PSMA8: variants seen among roughly 807,000 people sequenced by gnomAD.
PSMA8 encodes proteasome 20S subunit alpha 8.
A neutral mutation model predicts 32.4 loss-of-function variants in PSMA8; 18 were observed. That is an observed-to-expected ratio of 0.56 (90% CI 0.38 to 0.82). PSMA8 has a LOEUF of 0.82. Ranked by LOEUF, PSMA8 falls within the 40% of genes least tolerant of loss-of-function variation. PSMA8 has a pLI of 0.00. For missense variants in PSMA8, 298 were observed against 300.7 expected (o/e 0.99, Z 0.07); for synonymous variants, 104 against 98.1 (o/e 1.06, Z -0.36).
At chr18:26,164,509 G>C (rs562139013) in intron 4 of PSMA8, among the ~76,000 whole-genome samples, 1 of 152,276 alleles carries the variant, frequency 6.6e-6, no homozygotes, top group South Asian at 2.1e-4. Context: ...CAATGGAAAA[G>C]AAATAACATG....
rs202147380 is a variant in PSMA8, at chr18:26,179,058, T to G, written c.598-10T>G. On this transcript the variant is annotated splice_polypyrimidine_tract_variant and intron_variant, in intron 5 of 6. Coordinates refer to ENST00000415576, the MANE Select transcript of PSMA8 (RefSeq NM_001025096.2). ...GAAATAATTCTAATAGTGTACTTGT[T>G]CTACATTAGGTTGTCCAGTCTGGTG... 36 of 1,611,656 alleles carry G rather than the reference T, an allele frequency of 2.2e-5. No homozygotes were observed. In the African/African-American group the frequency reaches 4.4e-4, roughly 20 times the overall value.
At chr18:26,153,165 T>G (rs554533988) in intron 3 of PSMA8, among the ~76,000 whole-genome samples, 1 of 152,304 alleles carries the variant, frequency 6.6e-6, no homozygotes, top group East Asian at 1.9e-4. Context: ...TGCAACATTG[T>G]CTTTTTAGTT....
rs1224405028 is a variant in PSMA8 at position 26,174,569 on chromosome 18, C to T, written c.478-4261C>T. Among the ~76,000 whole-genome samples the T allele has an allele frequency of 2.0e-5, 3 of 152,258 alleles. No individual in the cohort carries two copies. In the East Asian group the frequency reaches 5.8e-4, roughly 29 times the overall value. ...GTGGTTACTTAATTTAAAAGCTATT[C>T]TATACTATTTTAAGGAGACCCACCT... On this transcript the variant is annotated intron_variant, in intron 4 of 6. Coordinates refer to ENST00000415576, the MANE Select transcript of PSMA8 (RefSeq NM_001025096.2).
rs919044772 is a variant in PSMA8, at chr18:26,133,899, G to A, written c.-67G>A. 7.9e-5 allele frequency: 109 copies of A among 1,379,354 alleles called. No homozygotes were observed. In the Admixed American group the frequency reaches 1.8e-3, roughly 23 times the overall value. 85.4% of individuals were successfully genotyped at this position (1,379,354 alleles called of 1,614,324 possible). On this transcript the variant is annotated 5_prime_UTR_variant, in exon 1 of 7. Coordinates refer to ENST00000415576, the MANE Select transcript of PSMA8 (RefSeq NM_001025096.2). ...CGGGCGGTAGCACGCTGTGTTGGCG[G>A]CGGCTCCCCGCTTGCCTCAGCTGCA...
At chr18:26,135,916 A>G (rs1216763039) in intron 1 of PSMA8, among the ~76,000 whole-genome samples, 2 of 152,214 alleles carry the variant, frequency 1.3e-5, no homozygotes, top group East Asian at 1.9e-4. Flanking sequence ...GCATGGAGTT[A>G]TTCATTGTGT....
At position 26,192,666 on chromosome 18, in the gene PSMA8, C is replaced by T. The variant is rs2055413728; in HGVS notation, c.*255C>T. The T allele has an allele frequency of 4.4e-6, 1 of 227,728 alleles. No homozygotes were observed. The highest frequency in any genetic ancestry group is 8.2e-6 in the Non-Finnish European group (1 of 121,690). 14.1% of individuals were successfully genotyped at this position (227,728 alleles called of 1,614,324 possible). On this transcript the variant is annotated 3_prime_UTR_variant, in exon 7 of 7. Transcript: ENST00000415576. ...CATAATTCCACATAAGCCTGAGACT[C>T]TATAATTTGTCCAGTGTCTTACTTA...
chr18:26,150,242 T>G (rs192399636), intron 2 of PSMA8, among the ~76,000 whole-genome samples: 72 of 152,352 alleles, frequency 4.7e-4, no homozygotes, highest in Non-Finnish European at 8.4e-4. Context: ...CCTGTACATA[T>G]TTCAGAGCAC....
intron 4 of PSMA8, among the ~76,000 whole-genome samples, chr18:26,159,587 G>A (rs916361872): frequency 6.6e-6 from 1 of 151,546 alleles, no homozygotes; most frequent in African/African-American, 2.4e-5. Context: ...ATTACCCTTT[G>A]TTTCTATATC....
intron 2 of PSMA8, among the ~76,000 whole-genome samples, chr18:26,150,447 C>T (rs1375016264): frequency 6.6e-6 from 1 of 152,078 alleles, no homozygotes; most frequent in Non-Finnish European, 1.5e-5. Context: ...AAGCAATCCC[C>T]CCGCCGCAGC....
At chr18:26,155,158 C>T (rs1479462060) in intron 3 of PSMA8, among the ~76,000 whole-genome samples, 2 of 151,960 alleles carry the variant, frequency 1.3e-5, no homozygotes, top group Non-Finnish European at 2.9e-5. Context: ...TTGCTTGAAC[C>T]CAGGAGACGG....
chr18:26,147,507 A>C (rs2055013864), intron 2 of PSMA8, among the ~76,000 whole-genome samples: 1 of 152,102 alleles, frequency 6.6e-6, no homozygotes, highest in Non-Finnish European at 1.5e-5. Context: ...AAAAAGAAAG[A>C]TCTCAATTCA....
chr18:26,140,088 G>T, intron 1 of PSMA8: 2 of 703,030 alleles, frequency 2.8e-6, no homozygotes, highest in Non-Finnish European at 5.2e-6. Flanking sequence ...GGCCTGGCAT[G>T]GATGTCTGCA....
chr18:26,185,341 T>C (rs1310659333), intron 6 of PSMA8, among the ~76,000 whole-genome samples: 1 of 150,674 alleles, frequency 6.6e-6, no homozygotes, highest in African/African-American at 2.5e-5. Flanking sequence ...ACAGTGTGTT[T>C]AACAACACAA....
chr18:26,170,643 C>T, intron 4 of PSMA8: 1 of 1,002,456 alleles, frequency 1.0e-6, no homozygotes, highest in South Asian at 1.5e-5. Context: ...CTAAAGTCAA[C>T]AAAAAACCTT....
At chr18:26,158,993 G>GC (rs1047136945) in intron 4 of PSMA8, among the ~76,000 whole-genome samples, 2 of 151,872 alleles carry the variant, frequency 1.3e-5, no homozygotes, top group Admixed American at 6.6e-5. Flanking sequence ...ACCAAACAAT[G>GC]CCCCCCTGCC....
intron 6 of PSMA8, among the ~76,000 whole-genome samples, chr18:26,184,246 A>G (rs1186669123): frequency 6.6e-6 from 1 of 150,740 alleles, no homozygotes; most frequent in African/African-American, 2.5e-5. Context: ...TGTTTCAGTC[A>G]TTTATTCTGG....
intron 5 of PSMA8, 55 bp downstream of exon 5, chr18:26,179,004 A>AT: frequency 6.2e-7 from 1 of 1,607,098 alleles, no homozygotes; most frequent in Non-Finnish European, 8.5e-7. Flanking sequence ...TTCCTCATCC[A>AT]TTTTTGTTTA....
chr18:26,192,373 GA>G lies in PSMA8; in HGVS notation c.717del (p.Glu240LysfsTer14). 6.5e-7 allele frequency: 1 copy of G among 1,527,022 alleles called. No homozygotes were observed. Among genetic ancestry groups the G allele is most frequent in the Non-Finnish European group, 8.7e-7 (1 of 1,149,606 alleles). 94.6% of individuals were successfully genotyped at this position (1,527,022 alleles called of 1,614,324 possible). On this transcript the variant is annotated frameshift_variant, in exon 7 of 7. Coordinates refer to ENST00000415576, the MANE Select transcript of PSMA8 (RefSeq NM_001025096.2). LOFTEE classifies it high-confidence loss of function. The stretch of plus-strand genomic sequence containing the variant: ...TGTAACTGAAATAGAAAAGGAAAAG[GA>G]AGAAGCAGAGAAGAAAAAATCAAAG... ...LYVTEIEKEK[E>X]EAEKKKSKKS...
intron 4 of PSMA8, among the ~76,000 whole-genome samples, chr18:26,160,572 T>C (rs930110933): frequency 1.3e-5 from 2 of 152,214 alleles, no homozygotes; most frequent in African/African-American, 4.8e-5. Flanking sequence ...TGTGTTTTAT[T>C]TTTTATGTCT....
Sources: gnomAD v4.1 joint callset for allele counts (sites outside exome capture counted in the v4.1 genomes callset) on GRCh38, gnomAD v4.1.1 for gene constraint, MANE v1.5 for transcripts, NCBI Gene and HGNC (gene_info 2026-07-23, HGNC 2026-07-21) for gene names.